ITGA1: variants seen among roughly 807,000 people sequenced by gnomAD.
The protein encoded by ITGA1 is integrin alpha-1.
A neutral mutation model predicts 145.9 loss-of-function variants in ITGA1; 85 were observed. The ratio of observed to expected loss-of-function variants is 0.58; its 90% CI spans 0.49 to 0.70. The LOEUF is 0.70. ITGA1 is among the 30% of genes least tolerant of loss of function. The pLI is 0.00. For missense variants in ITGA1, 1,351 were observed against 1,418.7 expected (o/e 0.95, Z 0.77); for synonymous variants, 520 against 495.3 (o/e 1.05, Z -0.66).
chr5:52,859,426 T>C (rs1749563956), intron 2 of ITGA1, among the ~76,000 whole-genome samples: 1 of 152,186 alleles, frequency 6.6e-6, no homozygotes, highest in Non-Finnish European at 1.5e-5. Flanking sequence ...AAATTATGTA[T>C]TAAAGGGTTT....
At chr5:52,795,389 AT>A (rs1748321500) in intron 1 of ITGA1, among the ~76,000 whole-genome samples, 1 of 151,856 alleles carries the variant, frequency 6.6e-6, no homozygotes, top group South Asian at 2.1e-4. Flanking sequence ...AAACAAGAAA[AT>A]TTATACAGCC....
chr5:52,947,533 A>G, intron 28 of ITGA1, 72 bp downstream of exon 28: 1 of 841,722 alleles, frequency 1.2e-6, no homozygotes, highest in South Asian at 1.4e-5. Context: ...GCTCTGATAT[A>G]TTCAGACTAT....
chr5:52,882,047 A>G (rs769381357), intron 7 of ITGA1, 26 bp downstream of exon 7: 1 of 1,517,484 alleles, frequency 6.6e-7, no homozygotes, highest in South Asian at 1.3e-5. Flanking sequence ...AATAAACTAA[A>G]GTAAAAGACT....
chr5:52,792,554 T>A, intron 1 of ITGA1, among the ~76,000 whole-genome samples: 1 of 152,180 alleles, frequency 6.6e-6, no homozygotes, highest in East Asian at 1.9e-4. Context: ...GGCCACAGCT[T>A]ATCACTGATG....
rs150249911 is a variant in ITGA1 at position 52,823,298 on chromosome 5, G to A, written c.62-26067G>A. On this transcript the variant is annotated intron_variant, in intron 1 of 28. Coordinates refer to ENST00000282588, the MANE Select transcript of ITGA1 (RefSeq NM_181501.2). ...TGGCTCACTGCAACCTCCGCCTCCC[G>A]GGTTCAAGCAATTCTCCTGCCTCAG... is the stretch of plus-strand genomic sequence containing the variant. Among the ~76,000 whole-genome samples the A allele has an allele frequency of 8.7e-3, 1,322 of 152,224 alleles. 9 individuals are homozygous for A. Among genetic ancestry groups the A allele is most frequent in the Non-Finnish European group, 0.014 (942 of 68,006 alleles).
intron 6 of ITGA1, among the ~76,000 whole-genome samples, chr5:52,877,475 G>A (rs1749886081): frequency 6.6e-6 from 1 of 152,108 alleles, no homozygotes; most frequent in Non-Finnish European, 1.5e-5. Flanking sequence ...CGCCCACCAG[G>A]GTGCCATGTT....
At chr5:52,816,699 C>T (rs922639187) in intron 1 of ITGA1, among the ~76,000 whole-genome samples, 2 of 152,148 alleles carry the variant, frequency 1.3e-5, no homozygotes, top group Non-Finnish European at 2.9e-5. Context: ...GAGCAGGTCT[C>T]AGGGCCCATT....
intron 1 of ITGA1, chr5:52,800,565 C>T (rs1352744692): frequency 1.2e-6 from 2 of 1,613,410 alleles, no homozygotes; most frequent in African/African-American, 2.7e-5. Context: ...GCAGCGTGGG[C>T]AGCAACCGGG....
chr5:52,943,694 G>A (rs1237304422), intron 26 of ITGA1, among the ~76,000 whole-genome samples: 2 of 152,148 alleles, frequency 1.3e-5, no homozygotes, highest in African/African-American at 2.4e-5. Context: ...GCCCTGTGGA[G>A]GGAGTCATGC....
At chr5:52,850,524 A>G (rs1464836666) in intron 2 of ITGA1, among the ~76,000 whole-genome samples, 1 of 152,194 alleles carries the variant, frequency 6.6e-6, no homozygotes, top group Non-Finnish European at 1.5e-5. Context: ...ATTTATATCT[A>G]CTTGGATAAT....
intron 1 of ITGA1, chr5:52,803,406 G>T (rs1198104570): frequency 6.6e-6 from 1 of 152,112 alleles, no homozygotes; most frequent in East Asian, 1.9e-4. Context: ...GATCCTTAAA[G>T]TTGAAACCTG....
intron 17 of ITGA1, among the ~76,000 whole-genome samples, chr5:52,921,107 A>G (rs1229631273): frequency 6.6e-6 from 1 of 152,112 alleles, no homozygotes; most frequent in Non-Finnish European, 1.5e-5. Flanking sequence ...GACACTGTGT[A>G]TATGGGGAAT....
At chr5:52,938,270 C>A (rs1579730271) in intron 24 of ITGA1, among the ~76,000 whole-genome samples, 1 of 152,126 alleles carries the variant, frequency 6.6e-6, no homozygotes, top group African/African-American at 2.4e-5. Flanking sequence ...ATTGTATTTA[C>A]TCACATCCCA....
At chr5:52,829,291 C>T (rs181141865) in intron 1 of ITGA1, among the ~76,000 whole-genome samples, 5 of 152,002 alleles carry the variant, frequency 3.3e-5, no homozygotes, top group African/African-American at 7.2e-5. Context: ...TTTGGGAGGC[C>T]GAGGTGGGTA....
At chr5:52,915,407 G>A in intron 14 of ITGA1, 57 bp from the exon 15 acceptor site, 2 of 1,532,624 alleles carry the variant, frequency 1.3e-6, no homozygotes, top group Non-Finnish European at 8.9e-7. Flanking sequence ...AGATTTATTT[G>A]AAACTGTTTT....
intron 6 of ITGA1, among the ~76,000 whole-genome samples, chr5:52,880,770 G>T (rs758802392): frequency 1.2e-4 from 18 of 152,230 alleles, no homozygotes; most frequent in Non-Finnish European, 2.2e-4. Context: ...CTGAATTAAA[G>T]AGACATTCCT....
At chr5:52,888,431 C>T (rs562729052) in intron 8 of ITGA1, among the ~76,000 whole-genome samples, 11 of 152,234 alleles carry the variant, frequency 7.2e-5, no homozygotes, top group South Asian at 6.2e-4. Flanking sequence ...GAGCAATTTT[C>T]GACTCTCTTT....
chr5:52,949,994 C>A (rs1225003546), intron 28 of ITGA1, among the ~76,000 whole-genome samples: 4 of 152,200 alleles, frequency 2.6e-5, no homozygotes, highest in Non-Finnish European at 2.9e-5. Context: ...CCAAAAGTTT[C>A]TCTTAGAGCA....
chr5:52,791,375 G>A (rs1334600417), intron 1 of ITGA1, among the ~76,000 whole-genome samples: 1 of 152,118 alleles, frequency 6.6e-6, no homozygotes, highest in African/African-American at 2.4e-5. Context: ...GTTTGATTAT[G>A]AACTCTAGTT....
Sources: allele counts gnomAD v4.1 joint callset (sites outside exome capture counted in the v4.1 genomes callset), GRCh38; gene constraint gnomAD v4.1.1; transcripts MANE v1.5; gene names NCBI Gene and HGNC (gene_info 2026-07-23, HGNC 2026-07-21).